FAM107B: variants seen among roughly 807,000 people sequenced by gnomAD.
FAM107B encodes protein FAM107B.
A neutral mutation model predicts 31.5 loss-of-function variants in FAM107B; 21 were observed. The ratio of observed to expected loss-of-function variants is 0.67; its 90% confidence interval spans 0.47 to 0.96. The LOEUF is 0.96. FAM107B is among the 40% of genes least tolerant of loss of function. The pLI is 0.00. For missense variants in FAM107B, 452 were observed against 377.1 expected (o/e 1.20, Z -1.64); for synonymous variants, 157 against 141.5 (o/e 1.11, Z -0.78).
chr10:14,663,637 A>C (rs887626454), intron 2 of FAM107B: 10 of 152,206 alleles, frequency 6.6e-5, no homozygotes, highest in African/African-American at 2.4e-4. Flanking sequence ...GTATATCCAC[A>C]AAGTGACAAG....
intron 2 of FAM107B, among the ~76,000 whole-genome samples, chr10:14,537,716 T>C (rs1215154841): frequency 6.6e-6 from 1 of 150,908 alleles, no homozygotes; most frequent in Non-Finnish European, 1.5e-5. Context: ...GCACCTGTAA[T>C]ACCAGCTACT....
intron 1 of FAM107B, among the ~76,000 whole-genome samples, chr10:14,695,167 G>C (rs558589801): frequency 1.3e-5 from 2 of 152,198 alleles, no homozygotes; most frequent in Admixed American, 6.5e-5. Flanking sequence ...CTTTTGAGTT[G>C]ATTTTTGTGT....
intron 1 of FAM107B, among the ~76,000 whole-genome samples, chr10:14,772,372 T>C (rs1833326265): frequency 6.6e-6 from 1 of 150,796 alleles, no homozygotes; most frequent in South Asian, 2.1e-4. Flanking sequence ...AATATATATA[T>C]ATATATATGC....
chr10:14,556,420 A>G (rs1849704204), intron 2 of FAM107B: 1 of 985,444 alleles, frequency 1.0e-6, no homozygotes, highest in Non-Finnish European at 1.2e-6. Context: ...AAAAGGAAAT[A>G]CACCAGTCAG....
chr10:14,546,024 C>CTA, intron 2 of FAM107B, among the ~76,000 whole-genome samples: 1 of 152,340 alleles, frequency 6.6e-6, no homozygotes, highest in East Asian at 1.9e-4. Flanking sequence ...CAAGAGCTGA[C>CTA]TAATAATTCC....
At chr10:14,676,015 A>G (rs1158047439) in intron 1 of FAM107B, among the ~76,000 whole-genome samples, 2 of 152,138 alleles carry the variant, frequency 1.3e-5, no homozygotes, top group African/African-American at 4.8e-5. Flanking sequence ...AAAATTAGCC[A>G]GATGTGATGG....
intron 1 of FAM107B, among the ~76,000 whole-genome samples, chr10:14,750,722 G>C (rs921149127): frequency 6.6e-6 from 1 of 152,314 alleles, no homozygotes; most frequent in South Asian, 2.1e-4. Context: ...TGAGATGGGG[G>C]AATTGCTTGA....
chr10:14,580,463 G>C (rs1275249336), intron 2 of FAM107B, among the ~76,000 whole-genome samples: 1 of 152,060 alleles, frequency 6.6e-6, no homozygotes, highest in Non-Finnish European at 1.5e-5. Context: ...GTGTGGTTTT[G>C]AGTTTCCTGG....
intron 2 of FAM107B, among the ~76,000 whole-genome samples, chr10:14,558,009 A>T (rs1235525599): frequency 3.3e-5 from 5 of 152,256 alleles, no homozygotes; most frequent in Non-Finnish European, 1.5e-5. Context: ...TTAGAAAAAG[A>T]TCGAATTCGT....
In FAM107B at chr10:14,774,526, A is replaced by G. The variant is rs1364033273; in HGVS notation, c.138T>C (p.Ala46=). Residue 46 remains alanine, a synonymous_variant, in exon 1 of 5, where the codon GCT becomes GCC. Transcript: ENST00000181796. The part of the protein sequence containing the change: ...ESASFNQSGV[A]DTHSTVRVQP... ...GCACACGGACGGTGGAATGAGTATC[A>G]GCCACGCCGGACTGATTGAAGGAAG... The G allele has an allele frequency of 6.2e-7, 1 of 1,614,072 alleles. No individual in the cohort carries two copies. Among genetic ancestry groups the G allele is most frequent in the Non-Finnish European group, 8.5e-7 (1 of 1,180,040 alleles).
intron 1 of FAM107B, among the ~76,000 whole-genome samples, chr10:14,676,613 T>C (rs1326031000): frequency 6.6e-6 from 1 of 152,222 alleles, no homozygotes; most frequent in African/African-American, 2.4e-5. Context: ...AAGAAAGCTT[T>C]CTGAAGCAGC....
chr10:14,651,084 G>C (rs1361714090), intron 2 of FAM107B, among the ~76,000 whole-genome samples: 1 of 152,176 alleles, frequency 6.6e-6, no homozygotes, highest in Admixed American at 6.5e-5. Context: ...AATTAAGCAA[G>C]CTGTACTAGA....
intron 2 of FAM107B, among the ~76,000 whole-genome samples, chr10:14,595,594 T>G (rs1852164310): frequency 6.6e-6 from 1 of 151,966 alleles, no homozygotes; most frequent in Non-Finnish European, 1.5e-5. Flanking sequence ...CCTGGCTAAT[T>G]TTTATAATTT....
intron 2 of FAM107B, among the ~76,000 whole-genome samples, chr10:14,624,630 C>T (rs1409496093): frequency 3.3e-5 from 5 of 151,336 alleles, no homozygotes; most frequent in South Asian, 4.2e-4. Flanking sequence ...AGCAAGACTC[C>T]GTTTCAAAAA....
intron 1 of FAM107B, among the ~76,000 whole-genome samples, chr10:14,739,238 C>T (rs987161251): frequency 1.3e-5 from 2 of 152,208 alleles, no homozygotes; most frequent in Non-Finnish European, 2.9e-5. Flanking sequence ...GCCTCCATCG[C>T]TCCATGACGG....
rs180908208 is a variant in FAM107B at position 14,770,018 on chromosome 10, C to T, written c.411+4235G>A. Among the ~76,000 whole-genome samples the T allele has an allele frequency of 1.5e-3, 226 of 152,226 alleles. 1 individual carries two copies. The highest frequency in any genetic ancestry group is 2.4e-3 in the Non-Finnish European group (162 of 68,006). On this transcript the variant is annotated intron_variant, in intron 1 of 4. Coordinates refer to ENST00000181796, the MANE Select transcript of FAM107B (RefSeq NM_031453.4). ...ATTCTAGTCTTCCCCTGTCTTCTTC[C>T]CAAGGCTGAACATGGAGTGCCGTCC...
chr10:14,619,553 A>T (rs1279849644), intron 2 of FAM107B, among the ~76,000 whole-genome samples: 2 of 152,076 alleles, frequency 1.3e-5, no homozygotes, highest in Non-Finnish European at 2.9e-5. Context: ...AAGTTGTAAG[A>T]GTTCTTTTAC....
At chr10:14,653,717 T>C (rs756748041) in intron 2 of FAM107B, 5 of 152,210 alleles carry the variant, frequency 3.3e-5, no homozygotes, top group Non-Finnish European at 5.9e-5. Flanking sequence ...AAGTATAGTA[T>C]TAGCCTCTTA....
At chr10:14,653,891 GACAA>G (rs762518292) in intron 2 of FAM107B, 2 of 152,118 alleles carry the variant, frequency 1.3e-5, no homozygotes, top group Non-Finnish European at 2.9e-5. Context: ...AGAGATTTCT[GACAA>G]ACAAGCAAAA....
Sources: allele counts gnomAD v4.1 joint callset (sites outside exome capture counted in the v4.1 genomes callset), GRCh38; gene constraint gnomAD v4.1.1; transcripts MANE v1.5; gene names NCBI Gene and HGNC (gene_info 2026-07-23, HGNC 2026-07-21).